ADCY10: variants seen among roughly 807,000 people sequenced by gnomAD.
The protein encoded by ADCY10 is adenylate cyclase 10.
ADCY10 carries 156 observed loss-of-function variants against 183.3 expected under a neutral mutation model. The observed-to-expected ratio is 0.85, with a 90% confidence interval of 0.75 to 0.97. ADCY10 has a LOEUF of 0.97. ADCY10 is among the 50% of genes least tolerant of loss of function. ADCY10 has a pLI of 0.00. For missense variants in ADCY10, 1,745 were observed against 1,934.3 expected, an observed-to-expected ratio of 0.90 and a Z score of 1.84; for synonymous variants, 645 against 670.0, an observed-to-expected ratio of 0.96 and a Z score of 0.58.
chr1:167,827,054 A>G (rs767288492), intron 26 of ADCY10, among the ~76,000 whole-genome samples: 1 of 151,834 alleles, frequency 6.6e-6, no homozygotes, highest in African/African-American at 2.4e-5. Flanking sequence ...TAGAGGACAG[A>G]CTCCAGGTTA....
chr1:167,851,544 C>T (rs1024354830), intron 18 of ADCY10, among the ~76,000 whole-genome samples: 11 of 152,108 alleles, frequency 7.2e-5, no homozygotes, highest in Admixed American at 3.9e-4. Flanking sequence ...TAACATTGGT[C>T]GGGCACAGTG....
intron 30 of ADCY10, among the ~76,000 whole-genome samples, chr1:167,818,684 T>A (rs1662681196): frequency 1.3e-5 from 2 of 152,110 alleles, no homozygotes; most frequent in African/African-American, 4.8e-5. Flanking sequence ...ACTACAGGTG[T>A]GTACCACCAC....
chr1:167,817,307 G>A (rs1421711201), intron 31 of ADCY10, among the ~76,000 whole-genome samples: 1 of 152,254 alleles, frequency 6.6e-6, no homozygotes, highest in Non-Finnish European at 1.5e-5. Context: ...GGAGGTTGCA[G>A]TGAGTCGAGA....
In ADCY10 at chr1:167,845,381, T is replaced by C. The variant is rs570382209; in HGVS notation, c.3007+182A>G. ...AGTGAGATTGGTTCGCTAGACTCAA[T>C]ACAGGTACATTCCCTTACTTTTCTC... On this transcript the variant is annotated intron_variant, in intron 21 of 32. Coordinates refer to ENST00000367851, the MANE Select transcript of ADCY10 (RefSeq NM_018417.6). 12 of 655,754 alleles carry C rather than the reference T, an allele frequency of 1.8e-5. No homozygotes were observed. In the African/African-American group the frequency reaches 2.2e-4, roughly 12 times the overall value. The allele number at this position is 655,754 out of a possible 1,614,324, so 40.6% of individuals were successfully genotyped here.
Position 167,861,033 on chromosome 1 carries a change from G to A in ADCY10, c.1647C>T (p.Ser549=), listed in dbSNP as rs772580202. ...GGATGGTATAGAAAGTTTGATGGAA[G>A]CTGATCTTATTCAATGAAATGGCAA... ...RIIAISLNKI[S]FHQTFYTIQM... The change falls in exon 15 of 33, where the codon AGC becomes AGT. Residue 549 remains serine (S), a synonymous_variant. Transcript: ENST00000367851. 6.2e-7 allele frequency: 1 copy of A among 1,613,984 alleles called. No homozygotes were observed. Among genetic ancestry groups the A allele is most frequent in the Admixed American group, 1.7e-5 (1 of 60,004 alleles).
intron 3 of ADCY10, among the ~76,000 whole-genome samples, chr1:167,903,255 CAAAAAAAAAAA>C (rs1669566891): frequency 7.0e-6 from 1 of 143,176 alleles, no homozygotes; most frequent in African/African-American, 2.6e-5. Context: ...GACTCTGACT[CAAAAAAAAAAA>C]TTAATAAATA....
chr1:167,880,030 C>T (rs1667756776), intron 11 of ADCY10, 85 bp downstream of exon 11: 9 of 1,167,972 alleles, frequency 7.7e-6, no homozygotes, highest in Non-Finnish European at 1.0e-5. Context: ...ATGTCTCACT[C>T]ATTTTTGTGC....
At chr1:167,880,373 G>T in intron 10 of ADCY10, 118 bp downstream of exon 10, 1 of 968,610 alleles carries the variant, frequency 1.0e-6, no homozygotes, top group Non-Finnish European at 1.7e-6. Flanking sequence ...ACAACAGTTT[G>T]AGACACAGGA....
chr1:167,886,132 T>G (rs1158286112), intron 8 of ADCY10, among the ~76,000 whole-genome samples: 1 of 152,088 alleles, frequency 6.6e-6, no homozygotes, highest in Non-Finnish European at 1.5e-5. Context: ...TCAAGGTAAT[T>G]TATAGATTCC....
chr1:167,852,883 A>G, intron 18 of ADCY10, among the ~76,000 whole-genome samples: 1 of 152,194 alleles, frequency 6.6e-6, no homozygotes, highest in East Asian at 1.9e-4. Context: ...TAGTCATGCT[A>G]TTGAACAAGA....
intron 14 of ADCY10, among the ~76,000 whole-genome samples, chr1:167,869,514 C>T (rs1197020225): frequency 2.6e-5 from 4 of 152,138 alleles, no homozygotes; most frequent in Non-Finnish European, 5.9e-5. Context: ...GCAGGTAGCC[C>T]GGCGCCTAAG....
chr1:167,908,780 C>T (rs916547977), intron 1 of ADCY10, among the ~76,000 whole-genome samples: 1 of 152,064 alleles, frequency 6.6e-6, no homozygotes, highest in Non-Finnish European at 1.5e-5. Context: ...CTTAATCAAC[C>T]AAAATAATGA....
chr1:167,829,267 C>A lies in ADCY10; in HGVS notation c.3750G>T (p.Gln1250His), dbSNP rs1363530514. ...NTALETQNCF[Q>H]IIKAYLDYSL... ...AGGAGCAGCTACAAAAATCCCCTAC[C>A]TGGAAACAATTTTGAGTTTCCAGTG... Residue 1250 changes from glutamine to histidine, a missense_variant and splice_region_variant, in exon 26 of 33, where the codon CAG (glutamine) becomes CAT (histidine). Gln to His is a conservative substitution (Grantham distance 24). Transcript: ENST00000367851. The A allele has an allele frequency of 6.2e-7, 1 of 1,613,878 alleles. No homozygotes were observed. Among genetic ancestry groups the A allele is most frequent in the Non-Finnish European group, 8.5e-7 (1 of 1,179,904 alleles).
intron 1 of ADCY10, among the ~76,000 whole-genome samples, chr1:167,911,556 AGCC>A (rs1670151400): frequency 6.6e-6 from 1 of 152,198 alleles, no homozygotes; most frequent in South Asian, 2.1e-4. Flanking sequence ...CTAAGTTGCT[AGCC>A]GATCGGGACA....
At chr1:167,826,464 T>C (rs2101877489) in intron 26 of ADCY10, among the ~76,000 whole-genome samples, 1 of 152,334 alleles carries the variant, frequency 6.6e-6, no homozygotes, top group Middle Eastern at 3.4e-3. Flanking sequence ...TCACCTGCCT[T>C]TGAGCACTGA....
chr1:167,827,409 G>A (rs967208722), intron 26 of ADCY10, among the ~76,000 whole-genome samples: 13 of 147,268 alleles, frequency 8.8e-5, no homozygotes, highest in African/African-American at 3.3e-4. Flanking sequence ...CTTGTGATCC[G>A]CCCACCTCGG....
Position 167,848,449 on chromosome 1 carries a change from A to T in ADCY10, c.2349T>A (p.Thr783=), listed in dbSNP as rs371030666. The T allele has an allele frequency of 1.9e-5, 31 of 1,613,620 alleles. No individual in the cohort carries two copies. In the African/African-American group the frequency reaches 3.6e-4, roughly 19 times the overall value. The part of the protein sequence containing the change: ...IKLTEKLNMV[T]LHSDKESEEV... ...CTTCACTTTCCTTATCACTATGGAG[A>T]GTAACCATGTTTAACTTCTCTGTTA... The change falls in exon 19 of 33, where the codon ACT becomes ACA. Residue 783 remains threonine, a synonymous_variant. Transcript: ENST00000367851.
intron 9 of ADCY10, among the ~76,000 whole-genome samples, chr1:167,882,719 TAGTGAGAGGTAGCCC>T: frequency 6.6e-6 from 1 of 151,840 alleles, no homozygotes; most frequent in Middle Eastern, 3.4e-3. Context: ...TAGCCCAGCG[TAGTGAGAGGTAGCCC>T]AGCATAGTGA....
intron 14 of ADCY10, among the ~76,000 whole-genome samples, chr1:167,867,209 A>G (rs2102114320): frequency 6.6e-6 from 1 of 152,280 alleles, no homozygotes; most frequent in South Asian, 2.1e-4. Context: ...ACCATCCTTA[A>G]ACATCAGTAA....
Sources: allele counts gnomAD v4.1 joint callset (sites outside exome capture counted in the v4.1 genomes callset), GRCh38; gene constraint gnomAD v4.1.1; transcripts MANE v1.5; gene names NCBI Gene and HGNC (gene_info 2026-07-23, HGNC 2026-07-21).